Variants in COMMD10 observed in about 807,000 individuals in gnomAD.
COMMD10 encodes the protein COMM domain containing 10.
COMMD10 carries 33 observed loss-of-function variants against 28.9 expected under a neutral mutation model. That is an observed-to-expected ratio of 1.14 (90% CI 0.87 to 1.53). The LOEUF (loss-of-function observed/expected upper bound fraction) is 1.53, where lower values mean the gene tolerates loss of function less well. Among genes scored for constraint, COMMD10 ranks in the 40% most tolerant of loss-of-function variants. The pLI is 0.00. For synonymous variants in COMMD10, 110 were observed against 81.7 expected, an observed-to-expected ratio of 1.35 and a Z score of -1.87; for missense variants, 310 against 233.4, an observed-to-expected ratio of 1.33 and a Z score of -2.14.
Position 116,167,142 on chromosome 5 carries a change from A to G in COMMD10, c.510+32964A>G, listed in dbSNP as rs149360587. ...AATTGCTAATTAAAATAACCAGTTT[A>G]GAGAAGAACATAAATGAGCTGATGG... On this transcript the variant is annotated intron_variant, in intron 5 of 6. Transcript: ENST00000274458. 4.7e-3 allele frequency among the ~76,000 whole-genome samples: 717 copies of G among 152,184 alleles called. 5 individuals are homozygous for G. Among genetic ancestry groups the G allele is most frequent in the African/African-American group, 0.015 (608 of 41,546 alleles).
intron 4 of COMMD10, among the ~76,000 whole-genome samples, chr5:116,121,338 T>TGTG: frequency 6.6e-6 from 1 of 152,244 alleles, no homozygotes; most frequent in Non-Finnish European, 1.5e-5. Flanking sequence ...TGCATAGTAT[T>TGTG]CCGTGGTGTA....
At chr5:116,209,623 A>G (rs1452106231) in intron 5 of COMMD10, among the ~76,000 whole-genome samples, 1 of 152,138 alleles carries the variant, frequency 6.6e-6, no homozygotes, top group East Asian at 1.9e-4. Context: ...TGGTCTCAAA[A>G]CACTAAGAAA....
At chr5:116,220,040 C>A in intron 5 of COMMD10, among the ~76,000 whole-genome samples, 1 of 150,998 alleles carries the variant, frequency 6.6e-6, no homozygotes, top group East Asian at 1.9e-4. Context: ...GATACATAGT[C>A]GGAGCCCAGG....
At position 116,230,186 on chromosome 5, in the gene COMMD10, GC is replaced by G. The variant is rs545360757; in HGVS notation, c.511-61329del. ...AATCTCCTTAGCTTTGTATAAGGAA[GC>G]CATGTAACAAAGCAGCCTTACTACG... is the stretch of plus-strand genomic sequence containing the variant. On this transcript the variant is annotated intron_variant, in intron 5 of 6. Coordinates refer to ENST00000274458, the MANE Select transcript of COMMD10 (RefSeq NM_016144.4). Among the ~76,000 whole-genome samples, 98 of 152,114 alleles carry G rather than the reference GC, an allele frequency of 6.4e-4. 2 individuals are homozygous for G. In the South Asian group the frequency reaches 0.019, roughly 30 times the overall value.
chr5:116,200,731 G>GT (rs1748645219), intron 5 of COMMD10, among the ~76,000 whole-genome samples: 1 of 151,894 alleles, frequency 6.6e-6, no homozygotes, highest in South Asian at 2.1e-4. Context: ...TGTTACAGTG[G>GT]TTTTTTTGGT....
intron 4 of COMMD10, among the ~76,000 whole-genome samples, chr5:116,127,177 G>A (rs567623003): frequency 6.6e-6 from 1 of 152,302 alleles, no homozygotes; most frequent in African/African-American, 2.4e-5. Flanking sequence ...ATGAAAAAAT[G>A]TTCATCATCA....
At chr5:116,162,350 T>G (rs1029241245) in intron 5 of COMMD10, among the ~76,000 whole-genome samples, 85 of 152,228 alleles carry the variant, frequency 5.6e-4, no homozygotes, top group African/African-American at 1.9e-3. Flanking sequence ...AGTAGTTTCA[T>G]TGACCTATTT....
intron 5 of COMMD10, among the ~76,000 whole-genome samples, chr5:116,174,818 A>G (rs1037219429): frequency 6.6e-6 from 1 of 152,168 alleles, no homozygotes; most frequent in Non-Finnish European, 1.5e-5. Context: ...ATCAAAGCTA[A>G]CAGTTGTCCT....
Position 116,131,927 on chromosome 5 carries a change from T to G in COMMD10, c.400-2141T>G, listed in dbSNP as rs560045481. ...TTCACTGTGGCTAAATTATAGATAA[T>G]TAGTAATATGTTTTAGAACGTAGGA... On this transcript the variant is annotated intron_variant, in intron 4 of 6. Coordinates refer to ENST00000274458, the MANE Select transcript of COMMD10 (RefSeq NM_016144.4). Among the ~76,000 whole-genome samples, 3 of 152,124 alleles carry G rather than the reference T, an allele frequency of 2.0e-5. No homozygotes were observed. The East Asian group carries it at 5.8e-4, about 29-fold the overall frequency.
chr5:116,263,414 C>G (rs1460278842), intron 5 of COMMD10, among the ~76,000 whole-genome samples: 1 of 151,756 alleles, frequency 6.6e-6, no homozygotes, highest in Non-Finnish European at 1.5e-5. Flanking sequence ...AATATATTTC[C>G]TTGCCATACC....
At chr5:116,131,939 T>C (rs1338368900) in intron 4 of COMMD10, among the ~76,000 whole-genome samples, 1 of 152,040 alleles carries the variant, frequency 6.6e-6, no homozygotes, top group Non-Finnish European at 1.5e-5. Context: ...AGTAATATGT[T>C]TTAGAACGTA....
intron 5 of COMMD10, among the ~76,000 whole-genome samples, chr5:116,155,390 C>T (rs777267180): frequency 3.3e-5 from 5 of 151,954 alleles, no homozygotes; most frequent in South Asian, 4.1e-4. Flanking sequence ...AATTTAAAAA[C>T]GCTACTATTT....
chr5:116,092,249 TAC>T (rs1358691334), intron 3 of COMMD10, among the ~76,000 whole-genome samples: 1 of 152,198 alleles, frequency 6.6e-6, no homozygotes, highest in African/African-American at 2.4e-5. Flanking sequence ...GGGTACCATT[TAC>T]ATAGCCAAAG....
Position 116,259,809 on chromosome 5 carries a change from G to A in COMMD10, c.511-31708G>A, listed in dbSNP as rs74368266. On this transcript the variant is annotated intron_variant, in intron 5 of 6. Coordinates refer to ENST00000274458, the MANE Select transcript of COMMD10 (RefSeq NM_016144.4). ...TACCTTGTTCTGTTTCTCTAATCTG[G>A]GACTCTCCATAGTCAGAAATTGCAT... Among the ~76,000 whole-genome samples the A allele has an allele frequency of 7.6e-3, 1,151 of 151,486 alleles. 47 individuals are homozygous for A. The highest frequency in any genetic ancestry group is 0.027 in the African/African-American group (1,111 of 41,096).
intron 4 of COMMD10, among the ~76,000 whole-genome samples, chr5:116,129,365 C>T (rs999722859): frequency 7.0e-6 from 1 of 143,146 alleles, no homozygotes; most frequent in African/African-American, 2.6e-5. Context: ...ATGCTATATA[C>T]TATAGTATTT....
chr5:116,203,803 C>A (rs1237810045), intron 5 of COMMD10, among the ~76,000 whole-genome samples: 2 of 151,988 alleles, frequency 1.3e-5, no homozygotes, highest in African/African-American at 4.8e-5. Context: ...AATGTAAAGA[C>A]CATCGAGACT....
intron 5 of COMMD10, among the ~76,000 whole-genome samples, chr5:116,152,829 T>C (rs543289126): frequency 1.4e-4 from 22 of 152,206 alleles, no homozygotes; most frequent in Admixed American, 5.2e-4. Context: ...TATAAGAAAA[T>C]ATGAGAATTA....
chr5:116,119,119 GA>G (rs150252229), intron 4 of COMMD10, among the ~76,000 whole-genome samples: 2 of 150,652 alleles, frequency 1.3e-5, no homozygotes, highest in African/African-American at 2.4e-5. Flanking sequence ...CAAACAATTT[GA>G]AAAAAAAATA....
At chr5:116,169,082 T>G (rs1408755203) in intron 5 of COMMD10, among the ~76,000 whole-genome samples, 2 of 151,824 alleles carry the variant, frequency 1.3e-5, no homozygotes, top group Non-Finnish European at 1.5e-5. Flanking sequence ...TGAAAAGAAT[T>G]AACAAAATAG....
Sources: gnomAD v4.1 joint callset for allele counts (sites outside exome capture counted in the v4.1 genomes callset) on GRCh38, gnomAD v4.1.1 for gene constraint, MANE v1.5 for transcripts, NCBI Gene and HGNC (gene_info 2026-07-23, HGNC 2026-07-21) for gene names.